The following PSTPIP2 variants were observed in gnomAD, a reference collection of about 807,000 sequenced individuals.
PSTPIP2 encodes the protein proline-serine-threonine phosphatase-interacting protein 2.
Under a neutral mutation model 63.3 loss-of-function variants are expected in PSTPIP2, and 33 were observed. That is an observed-to-expected ratio of 0.52 (90% CI 0.40 to 0.70). The LOEUF is 0.70. Ranked by LOEUF, PSTPIP2 falls within the 30% of genes least tolerant of loss-of-function variation. PSTPIP2 has a pLI of 0.00. For missense variants in PSTPIP2, 312 were observed against 400.7 expected, an observed-to-expected ratio of 0.78 and a Z score of 1.89; for synonymous variants, 125 against 132.7, an observed-to-expected ratio of 0.94 and a Z score of 0.40.
intron 1 of PSTPIP2, among the ~76,000 whole-genome samples, chr18:46,066,513 T>G (rs773260464): frequency 6.6e-6 from 1 of 152,058 alleles, no homozygotes; most frequent in Non-Finnish European, 1.5e-5. Context: ...TTGAACTGCC[T>G]GAGATTACGT....
At chr18:46,013,821 C>G (rs1179326561) in intron 4 of PSTPIP2, among the ~76,000 whole-genome samples, 1 of 152,150 alleles carries the variant, frequency 6.6e-6, no homozygotes, top group Admixed American at 6.5e-5. Context: ...AATAGAACTT[C>G]ACCCCAACAG....
intron 3 of PSTPIP2, among the ~76,000 whole-genome samples, chr18:46,021,673 C>T (rs926927893): frequency 2.0e-5 from 3 of 151,252 alleles, no homozygotes; most frequent in East Asian, 1.9e-4. Flanking sequence ...GGGCCAGAGA[C>T]GGTGGCTCAT....
intron 2 of PSTPIP2, among the ~76,000 whole-genome samples, chr18:46,030,778 G>T (rs1432311777): frequency 1.3e-5 from 2 of 152,140 alleles, no homozygotes; most frequent in African/African-American, 4.8e-5. Context: ...CTTTATATTG[G>T]ACTGACAACC....
rs1411039070 is a variant in PSTPIP2 at position 46,035,434 on chromosome 18, A to G, written c.134+4513T>C. On this transcript the variant is annotated intron_variant, in intron 2 of 14. Transcript: ENST00000409746. Reference sequence around the variant, plus strand: ...GACTCTGTCTTAAAAAAAAAAAAAGAAAAGAGAGAGAGAGAGAAATAAAAG... The same window carrying G: ...GACTCTGTCTTAAAAAAAAAAAAAGGAAAGAGAGAGAGAGAGAAATAAAAG... Among the ~76,000 whole-genome samples, 23 of 18,150 alleles carry G rather than the reference A, an allele frequency of 1.3e-3. No individual in the cohort carries two copies. In the East Asian group the frequency reaches 0.044, roughly 35 times the overall value. The allele number at this position is 18,150 out of a possible 152,430, so 11.9% of individuals were successfully genotyped here.
intron 10 of PSTPIP2, 83 bp from the exon 11 acceptor site, chr18:45,992,285 GGGCGCAGT>G (rs2051544061): frequency 8.5e-7 from 1 of 1,169,776 alleles, no homozygotes; most frequent in Non-Finnish European, 1.2e-6. Context: ...GTTTGAGGCG[GGGCGCAGT>G]GGCTCATGTC....
chr18:45,992,566 A>AC (rs1049793576), intron 10 of PSTPIP2, among the ~76,000 whole-genome samples: 21 of 151,488 alleles, frequency 1.4e-4, no homozygotes, highest in Admixed American at 9.2e-4. Flanking sequence ...CCGTCTCAAA[A>AC]AAAAAAACAA....
chr18:45,989,716 G>A (rs151261563), intron 13 of PSTPIP2: 2 of 152,334 alleles, frequency 1.3e-5, no homozygotes, highest in Non-Finnish European at 2.9e-5. Flanking sequence ...CAACTAATGA[G>A]AGCTTGTTTG....
intron 2 of PSTPIP2, among the ~76,000 whole-genome samples, chr18:46,039,726 A>G (rs1006010110): frequency 1.3e-5 from 2 of 152,136 alleles, no homozygotes; most frequent in African/African-American, 2.4e-5. Flanking sequence ...TTTTCTTACT[A>G]TAATTCGTTC....
chr18:46,043,847 C>A (rs536275406), intron 1 of PSTPIP2, among the ~76,000 whole-genome samples: 3 of 151,338 alleles, frequency 2.0e-5, no homozygotes, highest in Non-Finnish European at 4.4e-5. Flanking sequence ...TTCTATATAC[C>A]GGTGGAAAAA....
intron 6 of PSTPIP2, among the ~76,000 whole-genome samples, chr18:46,000,815 A>T (rs554366315): frequency 6.6e-6 from 1 of 152,252 alleles, no homozygotes; most frequent in Non-Finnish European, 1.5e-5. Context: ...TTCTGTTTCA[A>T]CTGTGAAAGC....
intron 1 of PSTPIP2, among the ~76,000 whole-genome samples, chr18:46,065,891 T>C (rs1909173995): frequency 1.3e-5 from 2 of 151,704 alleles, no homozygotes; most frequent in Non-Finnish European, 2.9e-5. Context: ...CATGAGCCAC[T>C]GTGCCCAGCC....
chr18:45,993,096 A>T (rs1025419368), intron 10 of PSTPIP2, among the ~76,000 whole-genome samples: 2 of 151,846 alleles, frequency 1.3e-5, no homozygotes, highest in Non-Finnish European at 2.9e-5. Flanking sequence ...CCTTGGCTGA[A>T]TTTTTTTTCT....
At chr18:46,024,540 C>T (rs1907507018) in intron 3 of PSTPIP2, 69 bp downstream of exon 3, 1 of 1,356,772 alleles carries the variant, frequency 7.4e-7, no homozygotes, top group Non-Finnish European at 1.1e-6. Context: ...GTAACTCTGT[C>T]TGCTGAAGCG....
chr18:46,045,520 G>C (rs1025704808), intron 1 of PSTPIP2, among the ~76,000 whole-genome samples: 7 of 152,092 alleles, frequency 4.6e-5, no homozygotes, highest in Non-Finnish European at 2.9e-5. Flanking sequence ...GTGGGGTAGG[G>C]GGAGGGGGAA....
chr18:46,059,404 A>G (rs958714013), intron 1 of PSTPIP2, among the ~76,000 whole-genome samples: 1 of 151,964 alleles, frequency 6.6e-6, no homozygotes, highest in Non-Finnish European at 1.5e-5. Context: ...GCCTGCTACC[A>G]CGCCCAGCTA....
intron 3 of PSTPIP2, 33 bp from the exon 4 acceptor site, chr18:46,015,970 T>C: frequency 1.3e-6 from 2 of 1,598,438 alleles, no homozygotes; most frequent in Non-Finnish European, 1.7e-6. Context: ...TAATTTCAGT[T>C]CTGGAAATTC....
chr18:45,999,384 G>C (rs1314301672), intron 7 of PSTPIP2, 52 bp downstream of exon 7: 3 of 1,534,670 alleles, frequency 2.0e-6, no homozygotes, highest in Non-Finnish European at 2.7e-6. Flanking sequence ...ATTGGCTTTA[G>C]CCTGACATAG....
In PSTPIP2 at chr18:45,997,821, T is replaced by C. The variant is rs143925823; in HGVS notation, c.570A>G (p.Ala190=). ...SKTAVEDSDK[A]YMLHIGTLDK... ...CCAGGGTGCCGATGTGCAGCATGTA[T>C]GCTTTGTCTGCAACAGAAGGGAGAG... is the stretch of plus-strand genomic sequence containing the variant. Residue 190 remains alanine (A), a synonymous_variant, in exon 9 of 15, where the codon GCA becomes GCG. Transcript: ENST00000409746. The C allele has an allele frequency of 2.1e-3, 3,382 of 1,586,532 alleles. 7 individuals carry two copies. The highest frequency in any genetic ancestry group is 0.018 in the Middle Eastern group (109 of 5,902).
chr18:46,039,811 G>T, intron 2 of PSTPIP2, 136 bp downstream of exon 2: 1 of 729,812 alleles, frequency 1.4e-6, no homozygotes, highest in Non-Finnish European at 2.4e-6. Context: ...GTACTTCTCA[G>T]GTATCATTCC....
Sources: allele counts gnomAD v4.1 joint callset (sites outside exome capture counted in the v4.1 genomes callset), GRCh38; gene constraint gnomAD v4.1.1; transcripts MANE v1.5; gene names NCBI Gene and HGNC (gene_info 2026-07-23, HGNC 2026-07-21).